The following TENM3 variants were observed in gnomAD, a reference collection of about 807,000 sequenced individuals.
The protein encoded by TENM3 is teneurin-3.
In TENM3, 63 loss-of-function variants were observed where a neutral mutation model predicts 255.1. The ratio of observed to expected loss-of-function variants is 0.25; its 90% CI spans 0.20 to 0.30. The LOEUF (loss-of-function observed/expected upper bound fraction) is 0.30, where lower values mean the gene tolerates loss of function less well. Among genes scored for constraint, TENM3 ranks in the 10% least tolerant of loss-of-function variants. The pLI, the probability that TENM3 is intolerant of heterozygous loss-of-function variation, is 1.00. For missense variants in TENM3, 2,929 were observed against 3,461.1 expected (o/e 0.85, Z 3.86); for synonymous variants, 1,306 against 1,322.3 (o/e 0.99, Z 0.27).
the TENM3 span, among the ~76,000 whole-genome samples, chr4:181,466,159 C>G: frequency 6.7e-6 from 1 of 148,522 alleles, no homozygotes; most frequent in African/African-American, 2.5e-5. Context: ...CTCTTGTCCC[C>G]CAGGCTAGAG....
chr4:181,759,901 A>G, the TENM3 span, among the ~76,000 whole-genome samples: 1 of 152,200 alleles, frequency 6.6e-6, no homozygotes, highest in Admixed American at 6.5e-5. Flanking sequence ...ACAGCCTTTT[A>G]TAGATAGGAA....
chr4:182,198,305 A>G (rs1037598604), intron 1 of TENM3, among the ~76,000 whole-genome samples: 3 of 152,200 alleles, frequency 2.0e-5, no homozygotes, highest in Non-Finnish European at 2.9e-5. Flanking sequence ...TTTATCAGCC[A>G]TTTACACCTT....
the TENM3 span, among the ~76,000 whole-genome samples, chr4:181,793,885 T>G: frequency 6.6e-6 from 1 of 152,228 alleles, no homozygotes; most frequent in Non-Finnish European, 1.5e-5. Flanking sequence ...TTCATTTGTT[T>G]TATTGTATTT....
chr4:182,185,067 G>A (rs1003779898), intron 1 of TENM3, among the ~76,000 whole-genome samples: 2 of 139,964 alleles, frequency 1.4e-5, no homozygotes, highest in Non-Finnish European at 1.5e-5. Flanking sequence ...TGGACAACAA[G>A]AGCAAAACTC....
At chr4:182,215,607 A>G (rs983009347) in intron 1 of TENM3, among the ~76,000 whole-genome samples, 1 of 152,196 alleles carries the variant, frequency 6.6e-6, no homozygotes, top group African/African-American at 2.4e-5. Flanking sequence ...AATTATCTGT[A>G]GACGGTGGGA....
At chr4:182,177,629 G>A (rs1230948397) in intron 1 of TENM3, among the ~76,000 whole-genome samples, 1 of 137,792 alleles carries the variant, frequency 7.3e-6, no homozygotes, top group Non-Finnish European at 1.6e-5. Flanking sequence ...TTTTTTTTTT[G>A]CTCTACCCTC....
intron 3 of TENM3, among the ~76,000 whole-genome samples, chr4:182,450,263 T>G (rs1255887456): frequency 6.6e-6 from 1 of 152,230 alleles, no homozygotes; most frequent in African/African-American, 2.4e-5. Flanking sequence ...GTGTGCTAAT[T>G]GTTAAAGTAG....
At chr4:181,573,471 T>A in the TENM3 span, among the ~76,000 whole-genome samples, 1 of 152,188 alleles carries the variant, frequency 6.6e-6, no homozygotes, top group East Asian at 1.9e-4. Context: ...GCCACATGAC[T>A]AATGATTACT....
chr4:181,538,476 T>G, the TENM3 span, among the ~76,000 whole-genome samples: 1 of 149,390 alleles, frequency 6.7e-6, no homozygotes, highest in East Asian at 2.0e-4. Flanking sequence ...GGGGGCGTGG[T>G]GGTTAATGGA....
the TENM3 span, among the ~76,000 whole-genome samples, chr4:182,016,402 T>A: frequency 6.6e-6 from 1 of 152,220 alleles, no homozygotes; most frequent in Non-Finnish European, 1.5e-5. Flanking sequence ...TCTTTGTTTT[T>A]AGTTATTTTC....
the TENM3 span, among the ~76,000 whole-genome samples, chr4:181,565,889 G>A: frequency 1.0e-3 from 155 of 152,262 alleles, 1 homozygote; most frequent in East Asian, 9.3e-3. Flanking sequence ...AGTTTAGACA[G>A]GTCCAGAATG....
At chr4:181,915,811 A>G in the TENM3 span, among the ~76,000 whole-genome samples, 1 of 152,062 alleles carries the variant, frequency 6.6e-6, no homozygotes, top group Non-Finnish European at 1.5e-5. Flanking sequence ...ATCACTGGAA[A>G]AGGCTAAGAT....
the TENM3 span, among the ~76,000 whole-genome samples, chr4:181,613,257 C>A: frequency 6.6e-6 from 1 of 152,160 alleles, no homozygotes; most frequent in Non-Finnish European, 1.5e-5. Flanking sequence ...CCTAGATTTG[C>A]AACTCAGTGT....
the TENM3 span, among the ~76,000 whole-genome samples, chr4:181,461,648 A>T: frequency 1.3e-5 from 2 of 152,114 alleles, no homozygotes; most frequent in Admixed American, 1.3e-4. Context: ...ATCTGCTATT[A>T]ATCTTATCCA....
chr4:182,671,632 C>T (rs1440707464), intron 6 of TENM3, among the ~76,000 whole-genome samples: 6 of 152,140 alleles, frequency 3.9e-5, no homozygotes, highest in African/African-American at 1.4e-4. Context: ...TCTAGATAAT[C>T]TCTAAGATTC....
chr4:182,690,560 C>G (rs1756938173), intron 12 of TENM3, among the ~76,000 whole-genome samples: 1 of 152,128 alleles, frequency 6.6e-6, no homozygotes, highest in Non-Finnish European at 1.5e-5. Context: ...TTGAGTCTAG[C>G]TGAGGGAGAA....
At chr4:182,229,066 A>G (rs2726820) in intron 1 of TENM3, among the ~76,000 whole-genome samples, 45,665 of 151,994 alleles carry the variant, frequency 0.3, 7,121 homozygotes, top group Middle Eastern at 0.35. Flanking sequence ...ACACCCAAAT[A>G]TATTTGCTTT....
chr4:181,727,302 G>C, the TENM3 span, among the ~76,000 whole-genome samples: 1 of 152,122 alleles, frequency 6.6e-6, no homozygotes, highest in Admixed American at 6.5e-5. Flanking sequence ...ATTAACATAG[G>C]CTCAGGTGTG....
intron 3 of TENM3, among the ~76,000 whole-genome samples, chr4:182,529,079 C>T (rs1739518097): frequency 6.6e-6 from 1 of 152,206 alleles, no homozygotes; most frequent in Non-Finnish European, 1.5e-5. Flanking sequence ...CTCACTTTGG[C>T]TTATGAACTT....
Sources: gnomAD v4.1 joint callset for allele counts (sites outside exome capture counted in the v4.1 genomes callset) on GRCh38, gnomAD v4.1.1 for gene constraint, MANE v1.5 for transcripts, NCBI Gene and HGNC (gene_info 2026-07-23, HGNC 2026-07-21) for gene names.